PMS1: variants seen among roughly 807,000 people sequenced by gnomAD.
PMS1 encodes the protein PMS1 protein homolog 1.
In PMS1, 79 loss-of-function variants were observed where a neutral mutation model predicts 93.1. That is an observed-to-expected ratio of 0.85 (90% confidence interval 0.71 to 1.02). PMS1 has a LOEUF of 1.02. PMS1 is among the 50% of genes least tolerant of loss of function. The probability of loss-of-function intolerance (pLI) is 0.00; values close to 1 mark genes in which losing one functional copy is unlikely to be tolerated. For synonymous variants in PMS1, 335 were observed against 363.4 expected (o/e 0.92, Z 0.89); for missense variants, 1,064 against 1,085.3 (o/e 0.98, Z 0.28).
rs150245286 is a variant in PMS1, at chr2:189,818,027, A to G, written c.429A>G (p.Val143=). The G allele has an allele frequency of 5.7e-5, 92 of 1,609,212 alleles. No individual in the cohort carries two copies. Among genetic ancestry groups the G allele is most frequent in the Admixed American group, 1.7e-4 (10 of 59,930 alleles). Residue 143 remains valine (V), a synonymous_variant, in exon 5 of 13, where the codon GTA becomes GTG. Coordinates refer to ENST00000441310, the MANE Select transcript of PMS1 (RefSeq NM_000534.5). ...CTTGTCTGCCAACAGGTACAACTGTAACTGCTTTAAGATTATTTAAGAATC... is the reference window on the plus strand; with the variant it reads ...CTTGTCTGCCAACAGGTACAACTGTGACTGCTTTAAGATTATTTAAGAATC... ...KPSHLGQGTT[V]TALRLFKNLP... is the part of the protein sequence containing the mutation.
Position 189,854,527 on chromosome 2 carries a change from G to T in PMS1, c.1255G>T (p.Gly419Cys). The part of the protein sequence containing the change: ...HQISIGDFGY[G>C]HCSSEISNID... ...GATAAGTATTGGTGACTTTGGTTAT[G>T]GTCATTGTAGTAGTGAAATTTCTAA... Residue 419 changes from glycine to cysteine, a missense_variant, in exon 9 of 13, where the codon GGT (glycine) becomes TGT (cysteine). Physicochemically the swap from Gly to Cys is radical, Grantham distance 159. Coordinates refer to ENST00000441310, the MANE Select transcript of PMS1 (RefSeq NM_000534.5). 3.7e-6 allele frequency: 6 copies of T among 1,613,598 alleles called. No homozygotes were observed. The highest frequency in any genetic ancestry group is 5.1e-6 in the Non-Finnish European group (6 of 1,179,754).
chr2:189,791,715 G>A (rs1192840984), intron 1 of PMS1, 75 bp from the exon 2 acceptor site: 3 of 997,024 alleles, frequency 3.0e-6, no homozygotes, highest in Non-Finnish European at 4.7e-6. Flanking sequence ...ATTTTCATCT[G>A]TCATTATTAT....
chr2:189,787,943 G>T (rs998329444), intron 1 of PMS1, among the ~76,000 whole-genome samples: 1 of 152,110 alleles, frequency 6.6e-6, no homozygotes, highest in Non-Finnish European at 1.5e-5. Flanking sequence ...GACATCTTAA[G>T]ACCAGAGGAT....
chr2:189,864,657 GAAAAAAAAAAAA>G (rs59807167), intron 10 of PMS1, among the ~76,000 whole-genome samples: 4 of 3,662 alleles, frequency 1.1e-3, no homozygotes, highest in Non-Finnish European at 1.7e-3. Context: ...GTCTGTCTCA[GAAAAAAAAAAAA>G]AAAAAAAAAA....
intron 11 of PMS1, among the ~76,000 whole-genome samples, chr2:189,869,973 AT>A (rs1479052919): frequency 6.6e-6 from 1 of 152,056 alleles, no homozygotes; most frequent in African/African-American, 2.4e-5. Flanking sequence ...TGTAAGTAGT[AT>A]TTTTTTAAAT....
rs534542368 is a variant in PMS1, at chr2:189,851,178, T to A, written c.700-1477T>A. Among the ~76,000 whole-genome samples the A allele has an allele frequency of 4.6e-5, 7 of 152,292 alleles. No homozygotes were observed. The East Asian group carries it at 1.4e-3, about 29-fold the overall frequency. Reference sequence around the variant, plus strand: ...TAAACATAGTTTGTTCTTAAGATTATCCTAAACCATTTTTAAAGCTCAGTA... The same window carrying A: ...TAAACATAGTTTGTTCTTAAGATTAACCTAAACCATTTTTAAAGCTCAGTA... On this transcript the variant is annotated intron_variant, in intron 6 of 12. Coordinates refer to ENST00000441310, the MANE Select transcript of PMS1 (RefSeq NM_000534.5).
intron 5 of PMS1, among the ~76,000 whole-genome samples, chr2:189,820,577 G>A (rs909137853): frequency 1.3e-5 from 2 of 152,108 alleles, no homozygotes; most frequent in African/African-American, 4.8e-5. Context: ...CGCTCCCAAA[G>A]TGCTGGGATT....
intron 5 of PMS1, among the ~76,000 whole-genome samples, chr2:189,832,263 T>C (rs906345157): frequency 1.3e-5 from 2 of 152,136 alleles, no homozygotes; most frequent in African/African-American, 4.8e-5. Flanking sequence ...TGGCTTCATT[T>C]TGAATGAAAA....
chr2:189,864,275 A>G, intron 10 of PMS1, 47 bp downstream of exon 10: 1 of 1,228,972 alleles, frequency 8.1e-7, no homozygotes. Flanking sequence ...TTATTATAAT[A>G]GTTCATACTA....
chr2:189,787,610 T>C (rs1201659111), intron 1 of PMS1, among the ~76,000 whole-genome samples: 2 of 151,810 alleles, frequency 1.3e-5, no homozygotes, highest in Admixed American at 6.6e-5. Context: ...TTTATTTTTT[T>C]TTTAGCTTTT....
chr2:189,870,540 A>G (rs1003449088), intron 11 of PMS1, among the ~76,000 whole-genome samples: 2 of 152,206 alleles, frequency 1.3e-5, no homozygotes, highest in African/African-American at 4.8e-5. Context: ...TAACTTTTCC[A>G]TATCTGAATT....
intron 2 of PMS1, among the ~76,000 whole-genome samples, chr2:189,794,340 C>T (rs1291402594): frequency 1.3e-5 from 2 of 152,112 alleles, no homozygotes; most frequent in African/African-American, 2.4e-5. Context: ...GTCTCAAACT[C>T]CTGACCTCTA....
At position 189,877,302 on chromosome 2, in the gene PMS1, C is replaced by A; in HGVS notation, c.2665C>A (p.Pro889Thr). Residue 889 changes from proline (P) to threonine (T), a missense_variant, in exon 13 of 13, where the codon CCC (proline) becomes ACC (threonine). Coordinates refer to ENST00000441310, the MANE Select transcript of PMS1 (RefSeq NM_000534.5). Reference sequence around the variant, plus strand: ...AGCAGTGCGTCTATCCAGACAATTACCCATGTACTTATCAAAAGAGGACAT... The same window carrying A: ...AGCAGTGCGTCTATCCAGACAATTAACCATGTACTTATCAAAAGAGGACAT... ...GEAVRLSRQL[P>T]MYLSKEDIQD... 6.2e-7 allele frequency: 1 copy of A among 1,613,636 alleles called. No homozygotes were observed. Among genetic ancestry groups the A allele is most frequent in the South Asian group, 1.1e-5 (1 of 91,066 alleles).
chr2:189,876,143 G>A (rs144962330), intron 12 of PMS1, among the ~76,000 whole-genome samples: 246 of 152,180 alleles, frequency 1.6e-3, no homozygotes, highest in African/African-American at 5.9e-3. Flanking sequence ...ATTAGAACCT[G>A]TGAAATTTTA....
intron 2 of PMS1, among the ~76,000 whole-genome samples, chr2:189,794,832 C>T (rs2049196555): frequency 6.6e-6 from 1 of 152,114 alleles, no homozygotes. Context: ...TATGATGGCT[C>T]ACACCTGTAA....
intron 4 of PMS1, among the ~76,000 whole-genome samples, chr2:189,811,855 G>A (rs916324605): frequency 9.2e-5 from 14 of 152,178 alleles, no homozygotes; most frequent in African/African-American, 3.4e-4. Flanking sequence ...TCATAAAAGT[G>A]TGGCGCTATT....
chr2:189,810,756 ACTC>A (rs1452007009), intron 4 of PMS1, among the ~76,000 whole-genome samples: 7 of 152,128 alleles, frequency 4.6e-5, no homozygotes, highest in Admixed American at 2.6e-4. Flanking sequence ...ACTCAGATAA[ACTC>A]CTAGTTAGAT....
intron 6 of PMS1, among the ~76,000 whole-genome samples, chr2:189,846,339 C>G (rs892139526): frequency 6.6e-6 from 1 of 152,080 alleles, no homozygotes; most frequent in African/African-American, 2.4e-5. Context: ...TGGCAAAACC[C>G]CATCTCTACT....
At chr2:189,787,460 A>G (rs1367360413) in intron 1 of PMS1, among the ~76,000 whole-genome samples, 5 of 152,238 alleles carry the variant, frequency 3.3e-5, no homozygotes, top group South Asian at 2.1e-4. Context: ...AGTTCAGGAC[A>G]AAGATGTAGT....
Sources: allele counts gnomAD v4.1 joint callset (sites outside exome capture counted in the v4.1 genomes callset), GRCh38; gene constraint gnomAD v4.1.1; transcripts MANE v1.5; gene names NCBI Gene and HGNC (gene_info 2026-07-23, HGNC 2026-07-21).